Variants in PACRG observed in about 807,000 individuals in gnomAD.
The protein encoded by PACRG is parkin coregulated gene protein.
A neutral mutation model predicts 29.7 loss-of-function variants in PACRG; 29 were observed. The ratio of observed to expected loss-of-function variants is 0.98; its 90% confidence interval spans 0.73 to 1.33. PACRG has a LOEUF of 1.33. PACRG is among the 40% of genes most tolerant of loss of function. The pLI is 0.00. For missense variants in PACRG, 279 were observed against 316.2 expected (o/e 0.88, Z 0.89); for synonymous variants, 116 against 118.7 (o/e 0.98, Z 0.15).
At chr6:163,028,630 G>GT (rs1479521127) in intron 2 of PACRG, among the ~76,000 whole-genome samples, 2 of 151,882 alleles carry the variant, frequency 1.3e-5, no homozygotes, top group African/African-American at 4.8e-5. Context: ...TTAAATATTC[G>GT]TTTTTTCATA....
At chr6:162,808,114 C>G (rs1009446846) in intron 1 of PACRG, among the ~76,000 whole-genome samples, 3 of 152,100 alleles carry the variant, frequency 2.0e-5, no homozygotes, top group African/African-American at 4.8e-5. Flanking sequence ...TGTAAAATTT[C>G]TGATGTAGTG....
intron 4 of PACRG, among the ~76,000 whole-genome samples, chr6:163,231,425 T>C (rs1782039684): frequency 6.6e-6 from 1 of 152,168 alleles, no homozygotes. Flanking sequence ...CCAGATGGGC[T>C]TGCTGGAAGT....
chr6:162,849,804 A>G (rs1790708106), intron 2 of PACRG, among the ~76,000 whole-genome samples: 1 of 152,248 alleles, frequency 6.6e-6, no homozygotes, highest in African/African-American at 2.4e-5. Context: ...CAAAGAGAAA[A>G]GGCATGCTGT....
At chr6:162,762,366 T>A (rs889618533) in intron 1 of PACRG, among the ~76,000 whole-genome samples, 1 of 152,118 alleles carries the variant, frequency 6.6e-6, no homozygotes, top group Non-Finnish European at 1.5e-5. Flanking sequence ...GGAACAAACA[T>A]TGGGAATTGA....
chr6:163,272,348 T>G (rs984557088), intron 4 of PACRG, among the ~76,000 whole-genome samples: 4 of 152,206 alleles, frequency 2.6e-5, no homozygotes, highest in Non-Finnish European at 4.4e-5. Flanking sequence ...GTGTATTAAT[T>G]TTCAACCCTA....
At chr6:162,746,940 A>G (rs1781033723) in intron 1 of PACRG, among the ~76,000 whole-genome samples, 1 of 152,162 alleles carries the variant, frequency 6.6e-6, no homozygotes, top group Non-Finnish European at 1.5e-5. Flanking sequence ...TTTGAAACTT[A>G]TCAACACTTG....
chr6:163,080,259 T>C (rs73786953), intron 3 of PACRG, among the ~76,000 whole-genome samples: 3,679 of 152,108 alleles, frequency 0.024, 160 homozygotes, highest in African/African-American at 0.084. Context: ...ACTCTGAAAA[T>C]GGTGCTAACT....
chr6:162,958,882 TATAGAGAGAGAGAG>T (rs1180185979), intron 2 of PACRG, among the ~76,000 whole-genome samples: 26 of 15,100 alleles, frequency 1.7e-3, no homozygotes, highest in African/African-American at 5.0e-3. Flanking sequence ...TATATATATA[TATAGAGAGAGAGAG>T]AGAGAGAGAG....
intron 1 of PACRG, among the ~76,000 whole-genome samples, chr6:162,796,537 C>T (rs568698223): frequency 6.6e-6 from 1 of 151,836 alleles, no homozygotes; most frequent in South Asian, 2.1e-4. Flanking sequence ...GCTATTAATT[C>T]CCTAATATGA....
intron 2 of PACRG, among the ~76,000 whole-genome samples, chr6:162,832,507 A>G (rs1788867845): frequency 6.6e-6 from 1 of 152,134 alleles, no homozygotes; most frequent in South Asian, 2.1e-4. Flanking sequence ...TTCTTGCTAT[A>G]TTTGGTTTAA....
intron 4 of PACRG, among the ~76,000 whole-genome samples, chr6:163,201,917 C>G (rs961145430): frequency 6.6e-6 from 1 of 152,176 alleles, no homozygotes; most frequent in African/African-American, 2.4e-5. Context: ...GGTGGCCAAC[C>G]TCGACGTTAG....
chr6:162,905,866 C>T (rs1369166036), intron 2 of PACRG, among the ~76,000 whole-genome samples: 1 of 152,040 alleles, frequency 6.6e-6, no homozygotes, highest in East Asian at 1.9e-4. Flanking sequence ...GTGGTTATTC[C>T]TCATGCAGAG....
chr6:163,255,340 G>T (rs1048094738), intron 4 of PACRG, among the ~76,000 whole-genome samples: 8 of 152,184 alleles, frequency 5.3e-5, no homozygotes, highest in African/African-American at 1.4e-4. Context: ...GGATTTCCAG[G>T]CAGGCAGGCA....
At chr6:162,763,770 A>G (rs1223545243) in intron 1 of PACRG, among the ~76,000 whole-genome samples, 1 of 152,210 alleles carries the variant, frequency 6.6e-6, no homozygotes, top group Non-Finnish European at 1.5e-5. Flanking sequence ...GACTTATATT[A>G]AAAGTACAGC....
chr6:163,017,180 A>T (rs184625787), intron 2 of PACRG, among the ~76,000 whole-genome samples: 147 of 152,302 alleles, frequency 9.7e-4, no homozygotes, highest in African/African-American at 3.5e-3. Flanking sequence ...GAATAAGCTA[A>T]TCACAAGTCA....
intron 2 of PACRG, among the ~76,000 whole-genome samples, chr6:162,864,977 C>T (rs1383197094): frequency 6.6e-6 from 1 of 152,166 alleles, no homozygotes; most frequent in Non-Finnish European, 1.5e-5. Flanking sequence ...TGCCTTTAGA[C>T]TTACATAGTG....
chr6:162,853,485 T>C lies in PACRG; in HGVS notation c.291+39204T>C, dbSNP rs1791099654. Reference sequence around the variant, plus strand: ...AGAACTGTGGTGTTCTCAGTCCTTGTAGCCAATCTTCTTGTTTTTATCACA... The same window carrying C: ...AGAACTGTGGTGTTCTCAGTCCTTGCAGCCAATCTTCTTGTTTTTATCACA... On this transcript the variant is annotated intron_variant, in intron 2 of 4. Coordinates refer to ENST00000366888, the MANE Select transcript of PACRG (RefSeq NM_001080379.2). The surrounding 1 kb of genome is among the most constrained non-coding windows in gnomAD (Gnocchi z 4.7). Among the ~76,000 whole-genome samples, 2 of 152,248 alleles carry C rather than the reference T, an allele frequency of 1.3e-5. No individual in the cohort carries two copies.
chr6:163,277,663 GTA>G (rs1260230711), intron 4 of PACRG, among the ~76,000 whole-genome samples: 1 of 146,398 alleles, frequency 6.8e-6, no homozygotes, highest in Admixed American at 6.7e-5. Context: ...GTGTGTGTGT[GTA>G]TATATATCTG....
chr6:162,934,890 G>A (rs559649102), intron 2 of PACRG, among the ~76,000 whole-genome samples: 1 of 152,234 alleles, frequency 6.6e-6, no homozygotes, highest in South Asian at 2.1e-4. Flanking sequence ...ATTTCCCTCA[G>A]TTTTTGCTTG....
Sources: allele counts gnomAD v4.1 joint callset (sites outside exome capture counted in the v4.1 genomes callset), GRCh38; gene constraint gnomAD v4.1.1; non-coding constraint Gnocchi (gnomAD v3.1); transcripts MANE v1.5; gene names NCBI Gene and HGNC (gene_info 2026-07-23, HGNC 2026-07-21).